The following OXR1 variants were observed in gnomAD, a reference collection of about 807,000 sequenced individuals.
OXR1 encodes oxidation resistance 1, also known as oxidation resistance protein 1.
Under a neutral mutation model 104.6 loss-of-function variants are expected in OXR1, and 41 were observed. The ratio of observed to expected loss-of-function variants is 0.39; its 90% CI spans 0.31 to 0.51. OXR1 has a LOEUF of 0.51. Among genes scored for constraint, OXR1 ranks in the 20% least tolerant of loss-of-function variants. The pLI is 0.77. For missense variants in OXR1, 955 were observed against 1,031.9 expected (o/e 0.93, Z 1.02); for synonymous variants, 348 against 348.4 (o/e 1.00, Z 0.01).
chr8:106,682,460 G>C (rs1208964925), intron 4 of OXR1: 3 of 153,234 alleles, frequency 2.0e-5, no homozygotes, highest in African/African-American at 7.3e-5. Context: ...AATAGAGACG[G>C]GGTTTCACCG....
At chr8:106,447,897 C>T in intron 2 of OXR1, 1 of 1,505,022 alleles carries the variant, frequency 6.6e-7, no homozygotes, top group Non-Finnish European at 8.8e-7. Flanking sequence ...AACAGCCGGG[C>T]TCCTGGCGGA....
intron 1 of OXR1, among the ~76,000 whole-genome samples, chr8:106,286,988 C>T (rs1193720102): frequency 1.3e-5 from 2 of 152,116 alleles, no homozygotes; most frequent in African/African-American, 2.4e-5. Context: ...TCAGTCATTT[C>T]GGATGCAAAA....
intron 3 of OXR1, among the ~76,000 whole-genome samples, chr8:106,653,566 A>T (rs577408375): frequency 6.6e-6 from 1 of 152,140 alleles, no homozygotes; most frequent in South Asian, 2.1e-4. Flanking sequence ...TGACAAAAAA[A>T]TTAGAAATTA....
intron 1 of OXR1, among the ~76,000 whole-genome samples, chr8:106,302,426 CA>C (rs1156875008): frequency 6.6e-6 from 1 of 151,804 alleles, no homozygotes; most frequent in African/African-American, 2.4e-5. Context: ...ACTAAAAATA[CA>C]AAAAGAAATT....
intron 2 of OXR1, among the ~76,000 whole-genome samples, chr8:106,413,138 GAAA>G (rs11287871): frequency 0.057 from 8,511 of 150,226 alleles, 845 homozygotes; most frequent in African/African-American, 0.2. Context: ...TACTTTTGTA[GAAA>G]AAAAAAATAT....
intron 1 of OXR1, among the ~76,000 whole-genome samples, chr8:106,317,926 A>G (rs771570155): frequency 2.6e-5 from 4 of 152,174 alleles, no homozygotes; most frequent in African/African-American, 4.8e-5. Context: ...CTGCTCATGA[A>G]AAAGGACACA....
At chr8:106,399,662 G>A (rs1817922618) in intron 2 of OXR1, among the ~76,000 whole-genome samples, 1 of 152,144 alleles carries the variant, frequency 6.6e-6, no homozygotes, top group African/African-American at 2.4e-5. Context: ...GGGATTCTAG[G>A]AAATGTAATT....
At chr8:106,661,142 C>T (rs1373019965) in intron 3 of OXR1, among the ~76,000 whole-genome samples, 4 of 152,218 alleles carry the variant, frequency 2.6e-5, no homozygotes, top group Non-Finnish European at 5.9e-5. Flanking sequence ...CACACCACTG[C>T]ACTCCAGCCT....
At position 106,378,338 on chromosome 8, in the gene OXR1, A is replaced by G. The variant is rs80301730; in HGVS notation, c.23+18702A>G. Reference sequence around the variant, plus strand: ...TCTTACTGCTGCATCACTGGGCCACATGGGAATGAGAATGTGGCTTAGGAA... The same window carrying G: ...TCTTACTGCTGCATCACTGGGCCACGTGGGAATGAGAATGTGGCTTAGGAA... On this transcript the variant is annotated intron_variant, in intron 2 of 16. Transcript: ENST00000517566. Among the ~76,000 whole-genome samples the G allele has an allele frequency of 1.8e-4, 28 of 152,276 alleles. No homozygotes were observed. In the East Asian group the frequency reaches 5.2e-3, roughly 28 times the overall value.
intron 1 of OXR1, among the ~76,000 whole-genome samples, chr8:106,295,403 A>G (rs1812950749): frequency 6.6e-6 from 1 of 152,174 alleles, no homozygotes; most frequent in South Asian, 2.1e-4. Flanking sequence ...CACTGTATAT[A>G]TGTCTATCAT....
In OXR1 at chr8:106,729,217, G is replaced by A. The variant is rs117636017; in HGVS notation, c.1957-8303G>A. ...CTCCATTTTACAAGTGAAAAAACAGGGACATAGCAATCATACTACAACTAG... is the reference window on the plus strand; with the variant it reads ...CTCCATTTTACAAGTGAAAAAACAGAGACATAGCAATCATACTACAACTAG... On this transcript the variant is annotated intron_variant, in intron 11 of 16. Coordinates refer to ENST00000517566, the MANE Select transcript of OXR1 (RefSeq NM_001198533.2). Among the ~76,000 whole-genome samples the A allele has an allele frequency of 6.2e-3, 942 of 152,034 alleles. 6 individuals are homozygous for A. Among genetic ancestry groups the A allele is most frequent in the Non-Finnish European group, 0.011 (728 of 67,922 alleles).
intron 2 of OXR1, among the ~76,000 whole-genome samples, chr8:106,434,662 T>C (rs1008071976): frequency 5.3e-5 from 8 of 152,228 alleles, no homozygotes; most frequent in African/African-American, 1.9e-4. Context: ...TAATTTGTAA[T>C]TTGTAACAGT....
chr8:106,715,420 A>G (rs974312694), intron 11 of OXR1, among the ~76,000 whole-genome samples: 8 of 148,106 alleles, frequency 5.4e-5, no homozygotes, highest in Admixed American at 2.0e-4. Flanking sequence ...TATAATACGT[A>G]TATAATATAT....
At chr8:106,468,104 T>A (rs911342849) in intron 2 of OXR1, among the ~76,000 whole-genome samples, 1 of 151,770 alleles carries the variant, frequency 6.6e-6, no homozygotes, top group South Asian at 2.1e-4. Context: ...TGTGTATTTA[T>A]TCATTCTTTA....
intron 3 of OXR1, among the ~76,000 whole-genome samples, chr8:106,562,881 G>A (rs1173072764): frequency 6.6e-6 from 1 of 152,134 alleles, no homozygotes; most frequent in Non-Finnish European, 1.5e-5. Flanking sequence ...AGCTTCATAA[G>A]TGAAGGAGAA....
At chr8:106,320,677 T>G (rs536378881) in intron 1 of OXR1, among the ~76,000 whole-genome samples, 2 of 128,948 alleles carry the variant, frequency 1.6e-5, no homozygotes, top group African/African-American at 8.2e-5. Flanking sequence ...TTCTTCTTTT[T>G]TTGGGGGGGG....
intron 2 of OXR1, among the ~76,000 whole-genome samples, chr8:106,503,859 A>C (rs1408764054): frequency 6.6e-6 from 1 of 152,180 alleles, no homozygotes; most frequent in Admixed American, 6.5e-5. Context: ...ATGCGAGCAG[A>C]AAGAACATGG....
At chr8:106,474,662 G>A (rs530484238) in intron 2 of OXR1, among the ~76,000 whole-genome samples, 5 of 152,026 alleles carry the variant, frequency 3.3e-5, no homozygotes, top group Admixed American at 1.3e-4. Context: ...GGCTGCTTTT[G>A]TGCTACGTCA....
chr8:106,692,934 A>T, intron 7 of OXR1, 57 bp downstream of exon 7: 1 of 1,247,198 alleles, frequency 8.0e-7, no homozygotes, highest in Non-Finnish European at 1.1e-6. Context: ...TTACTAATGT[A>T]TGATAGTTTG....
Sources: gnomAD v4.1 joint callset for allele counts (sites outside exome capture counted in the v4.1 genomes callset) on GRCh38, gnomAD v4.1.1 for gene constraint, MANE v1.5 for transcripts, NCBI Gene and HGNC (gene_info 2026-07-23, HGNC 2026-07-21) for gene names.